CCDC146: variants seen among roughly 807,000 people sequenced by gnomAD.
CCDC146 encodes the protein coiled-coil domain-containing protein 146.
Under a neutral mutation model 119.3 loss-of-function variants are expected in CCDC146, and 92 were observed. The ratio of observed to expected loss-of-function variants is 0.77; its 90% CI spans 0.65 to 0.92. CCDC146 has a LOEUF of 0.92. Among genes scored for constraint, CCDC146 ranks in the 40% least tolerant of loss-of-function variants. The pLI, the probability that CCDC146 is intolerant of heterozygous loss-of-function variation, is 0.00. For synonymous variants in CCDC146, 372 were observed against 371.8 expected (o/e 1.00, Z -0.01); for missense variants, 1,000 against 1,103.0 (o/e 0.91, Z 1.32).
At chr7:77,274,450 C>T in intron 10 of CCDC146, 32 bp from the exon 11 acceptor site, 1 of 1,342,084 alleles carries the variant, frequency 7.5e-7, no homozygotes, top group South Asian at 1.4e-5. Flanking sequence ...AAACAAATAA[C>T]TTATAATATT....
chr7:77,274,652 G>C lies in CCDC146; in HGVS notation c.1440G>C (p.Gln480His). The C allele has an allele frequency of 6.2e-7, 1 of 1,603,382 alleles. No individual in the cohort carries two copies. Among genetic ancestry groups the C allele is most frequent in the Non-Finnish European group, 8.5e-7 (1 of 1,176,682 alleles). ...AGTCCAAGGATTTCCTGAAAGCTCA[G>C]GTAACTGCATTTTTTTAACCATTCA... ...EQKSKDFLKA[Q>H]QKYTNIVKEM... Residue 480 changes from glutamine to histidine, a missense_variant and splice_region_variant, in exon 11 of 19, where the codon CAG (glutamine) becomes CAC (histidine). Gln to His is a conservative substitution (Grantham distance 24). Coordinates refer to ENST00000285871, the MANE Select transcript of CCDC146 (RefSeq NM_020879.3).
intron 18 of CCDC146, among the ~76,000 whole-genome samples, chr7:77,294,415 A>G (rs1357037176): frequency 6.6e-6 from 1 of 150,390 alleles, no homozygotes; most frequent in Non-Finnish European, 1.5e-5. Flanking sequence ...CCTAAACCCC[A>G]GGAATAATGT....
intron 2 of CCDC146, among the ~76,000 whole-genome samples, chr7:77,223,712 A>G (rs1792449330): frequency 6.6e-6 from 1 of 152,260 alleles, no homozygotes; most frequent in South Asian, 2.1e-4. Flanking sequence ...ATTGGTTTTA[A>G]GATAAGCTTA....
chr7:77,144,557 C>G (rs1790985521), intron 1 of CCDC146, among the ~76,000 whole-genome samples: 1 of 151,726 alleles, frequency 6.6e-6, no homozygotes, highest in East Asian at 1.9e-4. Flanking sequence ...GTGGGTTTGT[C>G]ATAAATACCT....
intron 1 of CCDC146, among the ~76,000 whole-genome samples, chr7:77,129,707 C>T (rs912899783): frequency 5.9e-5 from 9 of 151,918 alleles, no homozygotes; most frequent in African/African-American, 1.9e-4. Flanking sequence ...ACCCCCCCAG[C>T]GAATTTTTCA....
chr7:77,190,613 G>C (rs138589340), intron 2 of CCDC146, among the ~76,000 whole-genome samples: 2 of 152,258 alleles, frequency 1.3e-5, no homozygotes, highest in East Asian at 1.9e-4. Context: ...AGCAAGGGGG[G>C]GCCCACTCAT....
chr7:77,254,971 T>G (rs1177649708), intron 5 of CCDC146, among the ~76,000 whole-genome samples: 1 of 152,222 alleles, frequency 6.6e-6, no homozygotes, highest in Non-Finnish European at 1.5e-5. Context: ...TCCCAGAACT[T>G]AGTGGCTTAA....
intron 1 of CCDC146, among the ~76,000 whole-genome samples, chr7:77,139,945 C>G (rs1348419299): frequency 6.6e-6 from 1 of 150,852 alleles, no homozygotes; most frequent in African/African-American, 2.5e-5. Flanking sequence ...GTCACCCAGG[C>G]TGCAAGTGGC....
chr7:77,253,523 A>G (rs1174283752), intron 4 of CCDC146, among the ~76,000 whole-genome samples: 2 of 152,234 alleles, frequency 1.3e-5, no homozygotes, highest in African/African-American at 2.4e-5. Context: ...CAGCACATAC[A>G]TTATTTTAAA....
chr7:77,280,493 G>A lies in CCDC146; in HGVS notation c.1759G>A (p.Asp587Asn), dbSNP rs1793742826. ...TACCATCAGAGAGAGCATGCAAAAC[G>A]ATGTGCGCAAAATTGTATCAAAACT... The part of the protein sequence containing the change: ...NVTIRESMQN[D>N]VRKIVSKLQE... The change falls in exon 14 of 19, where the codon GAT (aspartate) becomes AAT (asparagine). Residue 587 changes from aspartate to asparagine, a missense_variant. Coordinates refer to ENST00000285871, the MANE Select transcript of CCDC146 (RefSeq NM_020879.3). 3.7e-6 allele frequency: 6 copies of A among 1,614,054 alleles called. No individual in the cohort carries two copies. The Admixed American group carries it at 5.0e-5, about 13-fold the overall frequency.
chr7:77,181,718 ATCT>A (rs1375603435), intron 2 of CCDC146, among the ~76,000 whole-genome samples: 1 of 152,218 alleles, frequency 6.6e-6, no homozygotes, highest in South Asian at 2.1e-4. Flanking sequence ...CACTGCAAAA[ATCT>A]TCTTGTGAGT....
intron 2 of CCDC146, among the ~76,000 whole-genome samples, chr7:77,172,555 C>T (rs1440046968): frequency 6.6e-6 from 1 of 152,176 alleles, no homozygotes; most frequent in African/African-American, 2.4e-5. Context: ...ATGCTCTCGT[C>T]TCATATTGCC....
intron 2 of CCDC146, chr7:77,194,482 T>C (rs1193330962): frequency 6.6e-6 from 1 of 152,106 alleles, no homozygotes; most frequent in Non-Finnish European, 1.5e-5. Context: ...TTTAACATTT[T>C]AATAGTATTT....
intron 2 of CCDC146, among the ~76,000 whole-genome samples, chr7:77,215,966 A>G (rs183827941): frequency 9.3e-4 from 141 of 152,220 alleles, no homozygotes; most frequent in Non-Finnish European, 1.8e-3. Context: ...TTGTTAAAGT[A>G]TATTTAAAGA....
rs181938312 is a variant in CCDC146 at position 77,244,451 on chromosome 7, G to A, written c.449+2551G>A. Among the ~76,000 whole-genome samples the A allele has an allele frequency of 7.0e-4, 106 of 152,198 alleles. 4 individuals carry two copies. In the East Asian group the frequency reaches 0.018, roughly 26 times the overall value. On this transcript the variant is annotated intron_variant, in intron 4 of 18. Coordinates refer to ENST00000285871, the MANE Select transcript of CCDC146 (RefSeq NM_020879.3). ...AGCAACTTCCAGTCCTGCAACCTCCGTTCATGGTAAGTGCCCTAGACAGGT... is the reference window on the plus strand; with the variant it reads ...AGCAACTTCCAGTCCTGCAACCTCCATTCATGGTAAGTGCCCTAGACAGGT...
chr7:77,139,305 A>C (rs575517407), intron 1 of CCDC146, among the ~76,000 whole-genome samples: 2 of 152,362 alleles, frequency 1.3e-5, no homozygotes, highest in East Asian at 3.9e-4. Flanking sequence ...ATTCTGGAAA[A>C]GGCAAAACTG....
At chr7:77,151,874 T>C (rs539376120) in intron 1 of CCDC146, among the ~76,000 whole-genome samples, 2 of 152,312 alleles carry the variant, frequency 1.3e-5, no homozygotes, top group Admixed American at 1.3e-4. Flanking sequence ...CCACAAAGCT[T>C]TCTGGAGCAG....
intron 17 of CCDC146, among the ~76,000 whole-genome samples, chr7:77,290,253 G>A (rs548172157): frequency 1.3e-4 from 20 of 151,332 alleles, no homozygotes; most frequent in East Asian, 7.8e-4. Flanking sequence ...GGGAGGGATA[G>A]CATTAGGAGA....
At chr7:77,246,332 T>C (rs757504175) in intron 4 of CCDC146, 1 of 152,260 alleles carries the variant, frequency 6.6e-6, no homozygotes, top group Non-Finnish European at 1.5e-5. Context: ...TCTACTTCTG[T>C]GGTGAATGAT....
Sources: allele counts gnomAD v4.1 joint callset (sites outside exome capture counted in the v4.1 genomes callset), GRCh38; gene constraint gnomAD v4.1.1; transcripts MANE v1.5; gene names NCBI Gene and HGNC (gene_info 2026-07-23, HGNC 2026-07-21).